The following TAFA1 variants were observed in gnomAD, a reference collection of about 807,000 sequenced individuals.
The protein encoded by TAFA1 is chemokine-like protein TAFA-1.
In TAFA1, 4 loss-of-function variants were observed where a neutral mutation model predicts 18.5. The observed-to-expected ratio is 0.22, with a 90% CI of 0.11 to 0.49. The LOEUF (loss-of-function observed/expected upper bound fraction) is 0.49, where lower values mean the gene tolerates loss of function less well. Ranked by LOEUF, TAFA1 falls within the 20% of genes least tolerant of loss-of-function variation. TAFA1 has a pLI of 0.98. For missense variants in TAFA1, 147 were observed against 169.0 expected (o/e 0.87, Z 0.72); for synonymous variants, 56 against 55.2 (o/e 1.01, Z -0.06).
intron 3 of TAFA1, among the ~76,000 whole-genome samples, chr3:68,466,340 G>C (rs2071884063): frequency 6.6e-6 from 1 of 152,134 alleles, no homozygotes; most frequent in African/African-American, 2.4e-5. Flanking sequence ...GGGCATAGAA[G>C]TGAGAAATAA....
At chr3:68,141,056 G>T (rs1336778016) in intron 2 of TAFA1, among the ~76,000 whole-genome samples, 2 of 152,128 alleles carry the variant, frequency 1.3e-5, no homozygotes, top group Non-Finnish European at 2.9e-5. Context: ...TTGCCTATGA[G>T]GTTGTCAGAC....
chr3:67,998,225 A>G, the TAFA1 span, among the ~76,000 whole-genome samples: 630 of 152,306 alleles, frequency 4.1e-3, 4 homozygotes, highest in African/African-American at 0.015. Flanking sequence ...GATCTTATCT[A>G]CCTTTTAACA....
At chr3:68,424,155 A>G (rs566892490) in intron 3 of TAFA1, among the ~76,000 whole-genome samples, 1 of 152,230 alleles carries the variant, frequency 6.6e-6, no homozygotes, top group East Asian at 1.9e-4. Flanking sequence ...CTTACAACGT[A>G]ACAGAACATT....
upstream of TAFA1, among the ~76,000 whole-genome samples, chr3:68,001,235 C>A (rs1357953509): frequency 6.6e-6 from 1 of 152,078 alleles, no homozygotes; most frequent in Non-Finnish European, 1.5e-5. Context: ...AAGAAATGAC[C>A]TTATTCTTTC....
At position 68,544,528 on chromosome 3, in the gene TAFA1, A is replaced by T; in HGVS notation, c.*25A>T. The T allele has an allele frequency of 6.2e-7, 1 of 1,610,920 alleles. No individual in the cohort carries two copies. The highest frequency in any genetic ancestry group is 8.5e-7 in the Non-Finnish European group (1 of 1,177,546). On this transcript the variant is annotated 3_prime_UTR_variant, in exon 5 of 5. Coordinates refer to ENST00000478136, the MANE Select transcript of TAFA1 (RefSeq NM_213609.4). ...ACAGAAGCATTTGTGGTAGTAAAGG[A>T]AAACCAACCCTCTGGAAAATACATT...
At chr3:68,223,774 C>T (rs367837731) in intron 2 of TAFA1, among the ~76,000 whole-genome samples, 114 of 152,122 alleles carry the variant, frequency 7.5e-4, no homozygotes, top group African/African-American at 2.4e-3. Flanking sequence ...CTGATCAGGA[C>T]AAAAGTAATT....
chr3:68,066,417 C>T (rs956704848), intron 2 of TAFA1, among the ~76,000 whole-genome samples: 8 of 152,188 alleles, frequency 5.3e-5, no homozygotes, highest in African/African-American at 1.9e-4. Context: ...AAGGCATATA[C>T]ACCTCTCTGT....
intron 3 of TAFA1, among the ~76,000 whole-genome samples, chr3:68,444,807 TATATAA>T (rs1228111167): frequency 8.5e-6 from 1 of 117,806 alleles, no homozygotes. Context: ...TATATATATA[TATATAA>T]AATAAATTAA....
intron 3 of TAFA1, among the ~76,000 whole-genome samples, chr3:68,433,483 AAT>A (rs1466837115): frequency 1.3e-5 from 2 of 152,094 alleles, no homozygotes; most frequent in Non-Finnish European, 2.9e-5. Flanking sequence ...TTGGAACACA[AAT>A]TCCCACTTTA....
intron 3 of TAFA1, among the ~76,000 whole-genome samples, chr3:68,444,501 T>C (rs1461519992): frequency 6.6e-6 from 1 of 152,152 alleles, no homozygotes; most frequent in Non-Finnish European, 1.5e-5. Context: ...GTAACAATGC[T>C]ACACCATGTA....
In TAFA1 at chr3:68,544,527, G is replaced by A; in HGVS notation, c.*24G>A. 3 of 1,610,944 alleles carry A rather than the reference G, an allele frequency of 1.9e-6. No homozygotes were observed. Among genetic ancestry groups the A allele is most frequent in the African/African-American group, 1.3e-5 (1 of 74,924 alleles). On this transcript the variant is annotated 3_prime_UTR_variant, in exon 5 of 5. Coordinates refer to ENST00000478136, the MANE Select transcript of TAFA1 (RefSeq NM_213609.4). ...AACAGAAGCATTTGTGGTAGTAAAGGAAAACCAACCCTCTGGAAAATACAT... is the reference window on the plus strand; with the variant it reads ...AACAGAAGCATTTGTGGTAGTAAAGAAAAACCAACCCTCTGGAAAATACAT...
intron 2 of TAFA1, among the ~76,000 whole-genome samples, chr3:68,033,867 A>G (rs1261838699): frequency 1.3e-5 from 2 of 152,228 alleles, no homozygotes; most frequent in African/African-American, 4.8e-5. Context: ...ACATCATTTG[A>G]TATCCCATAT....
At chr3:68,336,708 A>G (rs13340202) in intron 2 of TAFA1, among the ~76,000 whole-genome samples, 3,081 of 152,206 alleles carry the variant, frequency 0.02, 98 homozygotes, top group African/African-American at 0.064. Flanking sequence ...AGGTGATTCT[A>G]TGTCCTTTAA....
intron 2 of TAFA1, among the ~76,000 whole-genome samples, chr3:68,388,568 T>A (rs998145836): frequency 2.8e-4 from 43 of 152,160 alleles, no homozygotes; most frequent in African/African-American, 5.1e-4. Flanking sequence ...ACGTTTTTTT[T>A]ATCTAACCAC....
intron 2 of TAFA1, among the ~76,000 whole-genome samples, chr3:68,380,494 T>A (rs1430327724): frequency 6.6e-6 from 1 of 152,236 alleles, no homozygotes; most frequent in Non-Finnish European, 1.5e-5. Context: ...ATTGTGGTTT[T>A]GATTTGCATT....
chr3:68,409,075 G>A (rs1314410048), intron 2 of TAFA1, among the ~76,000 whole-genome samples: 1 of 152,102 alleles, frequency 6.6e-6, no homozygotes, highest in Non-Finnish European at 1.5e-5. Context: ...ATACACAGTA[G>A]AATATAACTC....
intron 2 of TAFA1, among the ~76,000 whole-genome samples, chr3:68,107,635 G>A (rs928620490): frequency 1.8e-4 from 28 of 152,122 alleles, no homozygotes; most frequent in African/African-American, 6.5e-4. Context: ...TGTCAAGCGA[G>A]CTATAGTTGC....
At chr3:68,016,191 C>T (rs1704566784) in intron 2 of TAFA1, among the ~76,000 whole-genome samples, 1 of 152,100 alleles carries the variant, frequency 6.6e-6, no homozygotes, top group African/African-American at 2.4e-5. Flanking sequence ...TTGCTGAAGA[C>T]TAGACTTTAA....
intron 2 of TAFA1, among the ~76,000 whole-genome samples, chr3:68,170,503 A>G (rs2066039267): frequency 6.6e-6 from 1 of 152,184 alleles, no homozygotes; most frequent in African/African-American, 2.4e-5. Context: ...TAAAGGAAAA[A>G]CTGGGATATG....
Sources: allele counts gnomAD v4.1 joint callset (sites outside exome capture counted in the v4.1 genomes callset), GRCh38; gene constraint gnomAD v4.1.1; transcripts MANE v1.5; gene names NCBI Gene and HGNC (gene_info 2026-07-23, HGNC 2026-07-21).